UVRAG: variants seen among roughly 807,000 people sequenced by gnomAD.
UVRAG encodes UV radiation resistance associated.
Under a neutral mutation model 78.0 loss-of-function variants are expected in UVRAG, and 19 were observed. That is an observed-to-expected ratio of 0.24 (90% CI 0.17 to 0.36). The LOEUF (loss-of-function observed/expected upper bound fraction) is 0.36, where lower values mean the gene tolerates loss of function less well. UVRAG is among the 10% of genes least tolerant of loss of function. The pLI is 1.00. For synonymous variants in UVRAG, 323 were observed against 324.6 expected (o/e 1.00, Z 0.05); for missense variants, 740 against 853.8 (o/e 0.87, Z 1.66).
intron 2 of UVRAG, among the ~76,000 whole-genome samples, chr11:75,856,127 C>G (rs1946284232): frequency 6.6e-6 from 1 of 152,072 alleles, no homozygotes; most frequent in South Asian, 2.1e-4. Flanking sequence ...GTAGCTGGGA[C>G]TACAGGCATC....
chr11:76,044,274 G>C (rs1023015561), intron 12 of UVRAG, among the ~76,000 whole-genome samples: 7 of 152,158 alleles, frequency 4.6e-5, no homozygotes, highest in Non-Finnish European at 1.0e-4. Flanking sequence ...AGAAGAGAAT[G>C]GGCATTGGGG....
rs1948732950 is a variant in UVRAG, at chr11:75,953,095, C to T, written c.594-8349C>T. Among the ~76,000 whole-genome samples the T allele has an allele frequency of 2.6e-5, 4 of 151,922 alleles. No individual in the cohort carries two copies. The South Asian group carries it at 8.3e-4, about 32-fold the overall frequency. Reference sequence around the variant, plus strand: ...CTATGTGAAGGATCTGTAGTGATGTCTTCTCTTTCATTTTTATGCTGGTAA... The same window carrying T: ...CTATGTGAAGGATCTGTAGTGATGTTTTCTCTTTCATTTTTATGCTGGTAA... On this transcript the variant is annotated intron_variant, in intron 6 of 14. Transcript: ENST00000356136.
At chr11:76,109,225 A>G (rs1171340690) in intron 13 of UVRAG, among the ~76,000 whole-genome samples, 1 of 152,194 alleles carries the variant, frequency 6.6e-6, no homozygotes, top group Non-Finnish European at 1.5e-5. Context: ...TGGTGAGGGC[A>G]GGTGTTGATG....
At chr11:76,114,136 T>C (rs1591253357) in intron 13 of UVRAG, among the ~76,000 whole-genome samples, 1 of 152,106 alleles carries the variant, frequency 6.6e-6, no homozygotes, top group East Asian at 1.9e-4. Flanking sequence ...TTCCATGCCA[T>C]GTGTAAACGA....
intron 6 of UVRAG, among the ~76,000 whole-genome samples, chr11:75,929,070 A>G (rs1050414897): frequency 7.2e-5 from 11 of 152,084 alleles, no homozygotes; most frequent in African/African-American, 2.7e-4. Flanking sequence ...GTGTTTTCCA[A>G]CATTTTAAAT....
At chr11:75,911,447 T>A (rs1477470084) in intron 5 of UVRAG, 1 of 164,678 alleles carries the variant, frequency 6.1e-6, no homozygotes, top group African/African-American at 2.4e-5. Context: ...CAGGTGATGT[T>A]CAGCCATCAT....
chr11:75,954,179 C>CT (rs1282931618), intron 6 of UVRAG, among the ~76,000 whole-genome samples: 1 of 152,152 alleles, frequency 6.6e-6, no homozygotes, highest in Non-Finnish European at 1.5e-5. Context: ...CTCTGAAAGT[C>CT]TATTTGGATA....
intron 11 of UVRAG, among the ~76,000 whole-genome samples, chr11:76,015,147 G>A (rs1950123244): frequency 6.6e-6 from 1 of 152,118 alleles, no homozygotes; most frequent in Non-Finnish European, 1.5e-5. Flanking sequence ...AGAAAACTGT[G>A]AAGAAACTAA....
chr11:76,056,650 CCT>C (rs1194844722), intron 12 of UVRAG, among the ~76,000 whole-genome samples: 5 of 152,274 alleles, frequency 3.3e-5, no homozygotes, highest in African/African-American at 1.2e-4. Flanking sequence ...TTATCTTTCC[CCT>C]GTGTTACCTA....
chr11:76,125,302 T>G (rs1358800063), intron 14 of UVRAG, among the ~76,000 whole-genome samples: 3 of 152,226 alleles, frequency 2.0e-5, no homozygotes, highest in Non-Finnish European at 4.4e-5. Context: ...GAAAGTTTTA[T>G]TGGAGTTATT....
At chr11:76,099,642 A>G (rs1328930946) in intron 13 of UVRAG, among the ~76,000 whole-genome samples, 1 of 152,156 alleles carries the variant, frequency 6.6e-6, no homozygotes, top group Non-Finnish European at 1.5e-5. Context: ...CTTCTTTTAC[A>G]TCCCTCAATA....
At chr11:75,918,104 C>T (rs1947897583) in intron 6 of UVRAG, among the ~76,000 whole-genome samples, 1 of 151,608 alleles carries the variant, frequency 6.6e-6, no homozygotes, top group Non-Finnish European at 1.5e-5. Flanking sequence ...TGGTGGCTCA[C>T]GCCTGTAATC....
intron 13 of UVRAG, among the ~76,000 whole-genome samples, chr11:76,080,093 T>C (rs1041955869): frequency 6.6e-6 from 1 of 152,160 alleles, no homozygotes; most frequent in Non-Finnish European, 1.5e-5. Context: ...CTTGTAGTAA[T>C]GGCATTAATC....
At chr11:76,030,842 C>G (rs2135399611) in intron 12 of UVRAG, among the ~76,000 whole-genome samples, 1 of 152,236 alleles carries the variant, frequency 6.6e-6, no homozygotes, top group South Asian at 2.1e-4. Context: ...ACTATTCTCT[C>G]TATATAGTAT....
At chr11:76,015,628 A>G (rs550867010) in intron 11 of UVRAG, among the ~76,000 whole-genome samples, 111 of 152,290 alleles carry the variant, frequency 7.3e-4, no homozygotes, top group African/African-American at 2.4e-3. Flanking sequence ...ATAGTTACCT[A>G]TTTTTATAAG....
intron 13 of UVRAG, among the ~76,000 whole-genome samples, chr11:76,096,630 C>G (rs1333084552): frequency 6.6e-6 from 1 of 152,294 alleles, no homozygotes; most frequent in South Asian, 2.1e-4. Flanking sequence ...AAGGAGTCTG[C>G]TCTGTGGAAC....
chr11:76,028,448 A>C (rs1305851015), intron 12 of UVRAG, among the ~76,000 whole-genome samples: 1 of 152,170 alleles, frequency 6.6e-6, no homozygotes, highest in Non-Finnish European at 1.5e-5. Context: ...ATGAGGAAAG[A>C]ATGTGAAAAG....
intron 13 of UVRAG, among the ~76,000 whole-genome samples, chr11:76,087,314 G>A (rs1413594699): frequency 1.3e-5 from 2 of 152,180 alleles, no homozygotes; most frequent in Non-Finnish European, 1.5e-5. Flanking sequence ...ATTGACCGGT[G>A]AGCAGTATGG....
intron 6 of UVRAG, among the ~76,000 whole-genome samples, chr11:75,951,355 GTGTGTA>G (rs1391500015): frequency 1.8e-3 from 214 of 120,610 alleles, no homozygotes; most frequent in East Asian, 8.3e-3. Flanking sequence ...GTGTGTGTGT[GTGTGTA>G]TATATTTTTT....
Sources: gnomAD v4.1 joint callset for allele counts (sites outside exome capture counted in the v4.1 genomes callset) on GRCh38, gnomAD v4.1.1 for gene constraint, MANE v1.5 for transcripts, NCBI Gene and HGNC (gene_info 2026-07-23, HGNC 2026-07-21) for gene names.